The following ETFA variants were observed in gnomAD, a reference collection of about 807,000 sequenced individuals.
ETFA encodes the protein electron transfer flavoprotein subunit alpha, mitochondrial.
ETFA carries 22 observed loss-of-function variants against 46.2 expected under a neutral mutation model. The ratio of observed to expected loss-of-function variants is 0.48; its 90% CI spans 0.34 to 0.68. ETFA has a LOEUF of 0.68. Ranked by LOEUF, ETFA falls within the 30% of genes least tolerant of loss-of-function variation. The probability of loss-of-function intolerance (pLI) is 0.01; values close to 1 mark genes in which losing one functional copy is unlikely to be tolerated. For synonymous variants in ETFA, 131 were observed against 139.9 expected (o/e 0.94, Z 0.45); for missense variants, 345 against 401.1 (o/e 0.86, Z 1.19).
At chr15:76,290,340 T>TTC (rs2039748791) in intron 4 of ETFA, among the ~76,000 whole-genome samples, 1 of 142,762 alleles carries the variant, frequency 7.0e-6, no homozygotes, top group African/African-American at 2.6e-5. Context: ...ACTCTTTTTT[T>TTC]TTTTTTTTTT....
At chr15:76,295,934 T>A (rs865987973) in intron 1 of ETFA, among the ~76,000 whole-genome samples, 197 bp from the exon 2 acceptor site, 3 of 106,984 alleles carry the variant, frequency 2.8e-5, no homozygotes, top group Non-Finnish European at 3.8e-5. Context: ...ACCACTAATA[T>A]TCTTTTTTTT....
chr15:76,260,637 G>C, intron 9 of ETFA: 1 of 1,535,892 alleles, frequency 6.5e-7, no homozygotes, highest in East Asian at 2.3e-5. Flanking sequence ...CAGTTTATAG[G>C]GTCCCAGGGG....
intron 9 of ETFA, among the ~76,000 whole-genome samples, chr15:76,265,214 C>T (rs11856358): frequency 0.07 from 10,647 of 152,216 alleles, 437 homozygotes; most frequent in Middle Eastern, 0.12. Flanking sequence ...CTTGGAAGTT[C>T]TAGTCTAAAT....
chr15:76,300,631 C>T (rs1440442434), intron 1 of ETFA, among the ~76,000 whole-genome samples: 1 of 152,186 alleles, frequency 6.6e-6, no homozygotes, highest in Admixed American at 6.5e-5. Flanking sequence ...CGTTCCATGA[C>T]ACAAATCTAA....
At chr15:76,260,665 C>T (rs546382641) in intron 9 of ETFA, 33 of 1,577,744 alleles carry the variant, frequency 2.1e-5, no homozygotes, top group East Asian at 1.6e-4. Flanking sequence ...AAAGGGCCCT[C>T]GGGGATCACT....
At chr15:76,245,344 G>A (rs1046987270) in intron 9 of ETFA, 2 of 152,212 alleles carry the variant, frequency 1.3e-5, no homozygotes, top group Middle Eastern at 3.2e-3. Context: ...CAAAGGAACA[G>A]AGCATCAATT....
intron 8 of ETFA, among the ~76,000 whole-genome samples, chr15:76,279,253 A>ACCATG (rs2039624580): frequency 6.6e-6 from 1 of 152,200 alleles, no homozygotes; most frequent in South Asian, 2.1e-4. Flanking sequence ...AGTGAAGACA[A>ACCATG]CCATGTAACC....
At chr15:76,241,389 A>C (rs2039186364) in intron 9 of ETFA, among the ~76,000 whole-genome samples, 1 of 152,166 alleles carries the variant, frequency 6.6e-6, no homozygotes, top group Non-Finnish European at 1.5e-5. Context: ...CTGTGATCCC[A>C]GCTACTTGGG....
At chr15:76,261,768 A>G (rs2039416728) in intron 9 of ETFA, 3 of 196,834 alleles carry the variant, frequency 1.5e-5, no homozygotes, top group Non-Finnish European at 3.1e-5. Context: ...TTTTATATCG[A>G]CAAATGTGTC....
chr15:76,264,375 T>C (rs1268962503), intron 9 of ETFA, among the ~76,000 whole-genome samples: 2 of 152,208 alleles, frequency 1.3e-5, no homozygotes, highest in Non-Finnish European at 2.9e-5. Flanking sequence ...TACTGGGAGT[T>C]GGCCCTAATT....
rs560457386 is a variant in ETFA at position 76,275,881 on chromosome 15, C to T, written c.734-1387G>A. Among the ~76,000 whole-genome samples, 9 of 152,216 alleles carry T rather than the reference C, an allele frequency of 5.9e-5. No individual in the cohort carries two copies. In the South Asian group the frequency reaches 1.9e-3, roughly 32 times the overall value. ...ACTTAATAGCAAGATAATCCTAATT[C>T]CTATCTCCTGTTTCTTACATTGTGA... On this transcript the variant is annotated intron_variant, in intron 8 of 11. Coordinates refer to ENST00000557943, the MANE Select transcript of ETFA (RefSeq NM_000126.4).
chr15:76,240,090 C>A (rs1382045886), intron 9 of ETFA, among the ~76,000 whole-genome samples: 1 of 152,176 alleles, frequency 6.6e-6, no homozygotes, highest in Non-Finnish European at 1.5e-5. Flanking sequence ...ATTTATGTAA[C>A]CTGCACTGAA....
chr15:76,302,756 G>A (rs1186598126), intron 1 of ETFA, among the ~76,000 whole-genome samples: 2 of 152,166 alleles, frequency 1.3e-5, no homozygotes, highest in African/African-American at 4.8e-5. Flanking sequence ...AGTGGAGGAG[G>A]TTGTGGGTGT....
At chr15:76,276,466 A>C (rs1454120394) in intron 8 of ETFA, among the ~76,000 whole-genome samples, 1 of 151,940 alleles carries the variant, frequency 6.6e-6, no homozygotes, top group Non-Finnish European at 1.5e-5. Flanking sequence ...AGCTTCCTAG[A>C]TCTGTGGATT....
chr15:76,258,845 A>G (rs2141491053), intron 9 of ETFA: 2 of 641,244 alleles, frequency 3.1e-6, no homozygotes, highest in Non-Finnish European at 5.5e-6. Context: ...TGGTCAGTCC[A>G]GGCTTCCCAG....
At chr15:76,272,760 C>T (rs931759219) in intron 9 of ETFA, among the ~76,000 whole-genome samples, 2 of 150,394 alleles carry the variant, frequency 1.3e-5, no homozygotes, top group African/African-American at 4.9e-5. Context: ...TGTGACCAAC[C>T]CCTGCACTCC....
In ETFA at chr15:76,232,934, TC is replaced by T. The variant is rs779489330; in HGVS notation, c.817-1537del. Among the ~76,000 whole-genome samples the T allele has an allele frequency of 7.9e-5, 12 of 152,282 alleles. No individual in the cohort carries two copies. The South Asian group carries it at 2.5e-3, about 32-fold the overall frequency. On this transcript the variant is annotated intron_variant, in intron 9 of 11. Coordinates refer to ENST00000557943, the MANE Select transcript of ETFA (RefSeq NM_000126.4). ...CCCTGATCTTTACAAGCATAAAGTG[TC>T]CAACTGCTCCTAGAGCAGCACCATG...
At chr15:76,231,762 C>T (rs1030496644) in intron 9 of ETFA, among the ~76,000 whole-genome samples, 1 of 152,164 alleles carries the variant, frequency 6.6e-6, no homozygotes, top group Non-Finnish European at 1.5e-5. Context: ...ACAACCCATA[C>T]ATGCTGTACA....
intron 8 of ETFA, among the ~76,000 whole-genome samples, chr15:76,275,548 A>C (rs916745908): frequency 3.3e-5 from 5 of 152,184 alleles, no homozygotes. Context: ...TTTTTCATCC[A>C]CTATGACAAT....
Sources: allele counts gnomAD v4.1 joint callset (sites outside exome capture counted in the v4.1 genomes callset), GRCh38; gene constraint gnomAD v4.1.1; transcripts MANE v1.5; gene names NCBI Gene and HGNC (gene_info 2026-07-23, HGNC 2026-07-21).